SLC24A2: variants seen among roughly 807,000 people sequenced by gnomAD.
The protein encoded by SLC24A2 is sodium/potassium/calcium exchanger 2.
A neutral mutation model predicts 62.0 loss-of-function variants in SLC24A2; 36 were observed. The observed-to-expected ratio is 0.58, with a 90% CI of 0.44 to 0.77. The LOEUF (loss-of-function observed/expected upper bound fraction) is 0.77. SLC24A2 is among the 30% of genes least tolerant of loss of function. The pLI is 0.00. For synonymous variants in SLC24A2, 358 were observed against 294.0 expected (o/e 1.22, Z -2.23); for missense variants, 846 against 817.9 (o/e 1.03, Z -0.42).
At chr9:20,079,877 C>A in the SLC24A2 span, among the ~76,000 whole-genome samples, 1 of 152,018 alleles carries the variant, frequency 6.6e-6, no homozygotes, top group African/African-American at 2.4e-5. Flanking sequence ...CATCTGCAAA[C>A]AGGGACAAAG....
intron 2 of SLC24A2, among the ~76,000 whole-genome samples, chr9:19,629,688 C>T (rs145581072): frequency 6.6e-6 from 1 of 152,228 alleles, no homozygotes; most frequent in East Asian, 1.9e-4. Flanking sequence ...CCTGGTGGTC[C>T]CAGTTATCAC....
intron 9 of SLC24A2, 39 bp from the exon 10 acceptor site, chr9:19,521,099 A>G (rs1277776740): frequency 6.2e-7 from 1 of 1,604,094 alleles, no homozygotes; most frequent in African/African-American, 1.3e-5. Flanking sequence ...CAGTGTTTGA[A>G]GTTACAAAAT....
chr9:19,618,248 C>A (rs1316630867), intron 4 of SLC24A2, among the ~76,000 whole-genome samples: 2 of 152,130 alleles, frequency 1.3e-5, no homozygotes, highest in African/African-American at 4.8e-5. Flanking sequence ...CTCTTTACTC[C>A]CTTCTCTGGG....
chr9:20,047,846 G>A, the SLC24A2 span, among the ~76,000 whole-genome samples: 1 of 151,752 alleles, frequency 6.6e-6, no homozygotes, highest in Non-Finnish European at 1.5e-5. Flanking sequence ...CAAACATTCA[G>A]ACCATAGCAG....
At chr9:19,666,716 C>A (rs1164785135) in intron 2 of SLC24A2, among the ~76,000 whole-genome samples, 1 of 151,888 alleles carries the variant, frequency 6.6e-6, no homozygotes, top group African/African-American at 2.4e-5. Flanking sequence ...CTTTTTTTTC[C>A]CCTGTCTAAA....
intron 2 of SLC24A2, among the ~76,000 whole-genome samples, chr9:19,734,348 C>T (rs200220877): frequency 3.3e-5 from 5 of 152,032 alleles, no homozygotes; most frequent in South Asian, 2.1e-4. Context: ...CTTTTGGCTT[C>T]GGATTGACTT....
At chr9:19,941,054 A>C in the SLC24A2 span, among the ~76,000 whole-genome samples, 1 of 152,192 alleles carries the variant, frequency 6.6e-6, no homozygotes, top group Non-Finnish European at 1.5e-5. Flanking sequence ...ATAAATCTTC[A>C]AAGGTTGGGG....
At chr9:20,290,832 T>C in the SLC24A2 span, among the ~76,000 whole-genome samples, 1 of 151,820 alleles carries the variant, frequency 6.6e-6, no homozygotes, top group African/African-American at 2.4e-5. Context: ...AGGGATGGAG[T>C]CCTCAGAGGC....
chr9:20,036,090 A>G, the SLC24A2 span, among the ~76,000 whole-genome samples: 8 of 152,354 alleles, frequency 5.3e-5, no homozygotes, highest in African/African-American at 1.9e-4. Flanking sequence ...CTCTCTGAGC[A>G]GAAGTTTTGA....
chr9:19,763,152 T>C (rs191789359), intron 2 of SLC24A2, among the ~76,000 whole-genome samples: 190 of 152,332 alleles, frequency 1.2e-3, no homozygotes, highest in Non-Finnish European at 2.0e-3. Flanking sequence ...CTTGTGATTT[T>C]TGCACATTGA....
At chr9:19,652,065 T>C (rs1283816398) in intron 2 of SLC24A2, among the ~76,000 whole-genome samples, 2 of 152,212 alleles carry the variant, frequency 1.3e-5, no homozygotes, top group African/African-American at 4.8e-5. Flanking sequence ...GTGTTCTGCA[T>C]AGAGAGGAAT....
At chr9:20,262,900 T>TC in the SLC24A2 span, among the ~76,000 whole-genome samples, 2 of 152,000 alleles carry the variant, frequency 1.3e-5, no homozygotes, top group East Asian at 1.9e-4. Flanking sequence ...ATCTTTTTTT[T>TC]CCTAACCTTG....
At chr9:19,690,591 G>C (rs1820015479) in intron 2 of SLC24A2, among the ~76,000 whole-genome samples, 1 of 152,130 alleles carries the variant, frequency 6.6e-6, no homozygotes. Flanking sequence ...GTTGAATGCA[G>C]AAGACACACA....
chr9:20,206,761 G>C, the SLC24A2 span, among the ~76,000 whole-genome samples: 10 of 152,024 alleles, frequency 6.6e-5, no homozygotes, highest in Non-Finnish European at 2.9e-5. Flanking sequence ...TTACAGGCGT[G>C]AGCCACTTCG....
At chr9:20,183,827 A>G in the SLC24A2 span, among the ~76,000 whole-genome samples, 4 of 152,198 alleles carry the variant, frequency 2.6e-5, no homozygotes, top group Non-Finnish European at 5.9e-5. Context: ...TATAAGGTTC[A>G]GAAGAGTGTA....
chr9:20,060,788 C>T, the SLC24A2 span, among the ~76,000 whole-genome samples: 1 of 152,064 alleles, frequency 6.6e-6, no homozygotes, highest in Non-Finnish European at 1.5e-5. Flanking sequence ...TGTAGAAATT[C>T]TTAGGGAACA....
chr9:19,852,854 A>G, the SLC24A2 span, among the ~76,000 whole-genome samples: 4 of 152,108 alleles, frequency 2.6e-5, no homozygotes, highest in African/African-American at 9.7e-5. Flanking sequence ...TAATTCTGTG[A>G]AGAATGTCAA....
chr9:19,961,655 G>C, the SLC24A2 span, among the ~76,000 whole-genome samples: 11 of 152,188 alleles, frequency 7.2e-5, no homozygotes, highest in Non-Finnish European at 1.2e-4. Context: ...GTCAAGTGTG[G>C]ATTGGACTAA....
At chr9:19,647,074 A>ACACACACG (rs1229288417) in intron 2 of SLC24A2, among the ~76,000 whole-genome samples, 2 of 144,650 alleles carry the variant, frequency 1.4e-5, no homozygotes, top group African/African-American at 2.5e-5. Flanking sequence ...GCGCGCACAC[A>ACACACACG]CACACACACA....
Sources: gnomAD v4.1 joint callset for allele counts (sites outside exome capture counted in the v4.1 genomes callset) on GRCh38, gnomAD v4.1.1 for gene constraint, MANE v1.5 for transcripts, NCBI Gene and HGNC (gene_info 2026-07-23, HGNC 2026-07-21) for gene names.